Variants in MUSTN1 observed in about 807,000 individuals in gnomAD.
MUSTN1 encodes musculoskeletal embryonic nuclear protein 1.
A neutral mutation model predicts 11.8 loss-of-function variants in MUSTN1; 14 were observed. The ratio of observed to expected loss-of-function variants is 1.18; its 90% CI spans 0.78 to 1.85. MUSTN1 has a LOEUF of 1.85. MUSTN1 is among the 40% of genes most tolerant of loss of function. The pLI is 0.00. For synonymous variants in MUSTN1, 42 were observed against 43.3 expected (o/e 0.97, Z 0.12); for missense variants, 111 against 108.8 (o/e 1.02, Z -0.09).
At chr3:52,833,899 C>A (rs1259602504) in intron 1 of MUSTN1, 150 bp from the exon 2 acceptor site, 1 of 1,340,934 alleles carries the variant, frequency 7.5e-7, no homozygotes, top group Non-Finnish European at 9.9e-7. Flanking sequence ...GCCTTCCCAA[C>A]TATACTCCAC....
At chr3:52,834,745 G>A (rs749642664) in intron 1 of MUSTN1, 195 bp downstream of exon 1, 21 of 719,068 alleles carry the variant, frequency 2.9e-5, no homozygotes, top group Middle Eastern at 2.3e-4. Flanking sequence ...CTAACAAACC[G>A]TGGAATACCA....
chr3:52,833,512 C>A (rs1700634992), intron 2 of MUSTN1, 82 bp from the exon 3 acceptor site: 9 of 1,587,146 alleles, frequency 5.7e-6, no homozygotes, highest in Non-Finnish European at 7.7e-6. Flanking sequence ...TTTCTTGAAC[C>A]CAGGAATACT....
intron 1 of MUSTN1, chr3:52,834,687 A>ACACACAC: frequency 1.8e-6 from 1 of 553,848 alleles, no homozygotes; most frequent in Admixed American, 3.3e-5. Context: ...GGCACATGCA[A>ACACACAC]AGATCTATCT....
At chr3:52,834,430 C>A (rs930661298) in intron 1 of MUSTN1, among the ~76,000 whole-genome samples, 1 of 152,066 alleles carries the variant, frequency 6.6e-6, no homozygotes, top group East Asian at 1.9e-4. Flanking sequence ...TCAGCCTGGG[C>A]CAGGCTCCTC....
At position 52,833,538 on chromosome 3, in the gene MUSTN1, G is replaced by A. The variant is rs546271894; in HGVS notation, c.142+79C>T. 16 of 1,583,560 alleles carry A rather than the reference G, an allele frequency of 1.0e-5. No individual in the cohort carries two copies. The African/African-American group carries it at 1.9e-4, about 19-fold the overall frequency. On this transcript the variant is annotated intron_variant, in intron 2 of 2. Transcript: ENST00000446157. ...CAGGAATACTGGATTCTCAGAAAAG[G>A]ATCCTTGACCACCTCCCCCCACCAC...
rs1304552304 is a variant in MUSTN1, at chr3:52,835,010, G to A, written c.-62C>T. Reference sequence around the variant, plus strand: ...CCTCTCTGGCAGGCAGCAGCTGCTGGAAAAGATCTGAGTGGAGCCCAGCCT... The same window carrying A: ...CCTCTCTGGCAGGCAGCAGCTGCTGAAAAAGATCTGAGTGGAGCCCAGCCT... On this transcript the variant is annotated 5_prime_UTR_variant, in exon 1 of 3. Coordinates refer to ENST00000446157, the MANE Select transcript of MUSTN1 (RefSeq NM_205853.4). 1 of 1,605,590 alleles carries A rather than the reference G, an allele frequency of 6.2e-7. No homozygotes were observed. The highest frequency in any genetic ancestry group is 8.5e-7 in the Non-Finnish European group (1 of 1,175,430).
In MUSTN1 at chr3:52,833,178, C is replaced by T; in HGVS notation, c.*146G>A. On this transcript the variant is annotated 3_prime_UTR_variant, in exon 3 of 3. Coordinates refer to ENST00000446157, the MANE Select transcript of MUSTN1 (RefSeq NM_205853.4). ...GTGCTTCCAAGGTGCTGGTGCAGAG[C>T]CCTTGGCTGAAGGGCCTGGACTGTG... The T allele has an allele frequency of 8.3e-7, 1 of 1,197,872 alleles. No homozygotes were observed. The highest frequency in any genetic ancestry group is 1.9e-4 in the Middle Eastern group (1 of 5,362). 74.2% of individuals were successfully genotyped at this position (1,197,872 alleles called of 1,614,324 possible). A position where few individuals can be genotyped will look rare whatever the true frequency, so the allele number is the denominator to read the frequency against.
intron 1 of MUSTN1, chr3:52,834,718 A>C (rs1700668080): frequency 3.1e-6 from 2 of 652,638 alleles, no homozygotes; most frequent in Non-Finnish European, 2.7e-6. Flanking sequence ...CACCCCCAAC[A>C]TTTCTCTCCA....
At chr3:52,834,815 G>C in intron 1 of MUSTN1, 125 bp downstream of exon 1, 1 of 1,200,206 alleles carries the variant, frequency 8.3e-7, no homozygotes, top group Non-Finnish European at 1.2e-6. Context: ...CATCTCCCAA[G>C]GGCTGCAGAG....
In MUSTN1 at chr3:52,833,435, G is replaced by A; in HGVS notation, c.143-5C>T. ...GGGCGGCCGAGCCAGCTTGCTCTGT[G>A]GGAGGAGGTAAAGTCAGGGGCCAGC... On this transcript the variant is annotated splice_region_variant and splice_polypyrimidine_tract_variant and intron_variant, in intron 2 of 2. Coordinates refer to ENST00000446157, the MANE Select transcript of MUSTN1 (RefSeq NM_205853.4). The A allele has an allele frequency of 6.2e-7, 1 of 1,610,510 alleles. No individual in the cohort carries two copies. The highest frequency in any genetic ancestry group is 2.2e-5 in the East Asian group (1 of 44,776).
Position 52,834,944 on chromosome 3 carries a change from G to C in MUSTN1, c.5C>G (p.Ser2Cys). 1 of 1,613,630 alleles carries C rather than the reference G, an allele frequency of 6.2e-7. No individual in the cohort carries two copies. Among genetic ancestry groups the C allele is most frequent in the Non-Finnish European group, 8.5e-7 (1 of 1,179,820 alleles). Residue 2 changes from serine to cysteine, a missense_variant, in exon 1 of 3, where the codon TCC becomes TGC. Transcript: ENST00000446157. ...GCCCTTGCTGGGTCCTCCTACCTGG[G>C]ACATGGTGGGTATTGTGTAAGCGCT... M[S>C]QAGAQEAPIK...
intron 1 of MUSTN1, 164 bp downstream of exon 1, chr3:52,834,776 G>C (rs578070771): frequency 1.2e-6 from 1 of 807,438 alleles, no homozygotes; most frequent in Non-Finnish European, 2.1e-6. Flanking sequence ...ATAGAAGAGG[G>C]GTTCTTCAGG....
At chr3:52,834,917 C>A in intron 1 of MUSTN1, 23 bp downstream of exon 1, 1 of 1,613,174 alleles carries the variant, frequency 6.2e-7, no homozygotes, top group South Asian at 1.1e-5. Context: ...GGCATCAACA[C>A]AGCCCTTGCT....
intron 1 of MUSTN1, 95 bp downstream of exon 1, chr3:52,834,845 G>T: frequency 6.9e-7 from 1 of 1,457,344 alleles, no homozygotes; most frequent in Non-Finnish European, 9.4e-7. Context: ...CATGCTTGGG[G>T]CTCAGATCAA....
At position 52,834,973 on chromosome 3, in the gene MUSTN1, T is replaced by G. The variant is rs767769245; in HGVS notation, c.-25A>C. 6.2e-7 allele frequency: 1 copy of G among 1,613,242 alleles called. No homozygotes were observed. The highest frequency in any genetic ancestry group is 2.2e-5 in the East Asian group (1 of 44,850). On this transcript the variant is annotated 5_prime_UTR_variant, in exon 1 of 3. Transcript: ENST00000446157. Reference sequence around the variant, plus strand: ...TGGTGGGTATTGTGTAAGCGCTGGGTCTCTGAAGGCGCCTCTCTGGCAGGC... The same window carrying G: ...TGGTGGGTATTGTGTAAGCGCTGGGGCTCTGAAGGCGCCTCTCTGGCAGGC...
In MUSTN1 at chr3:52,834,664, A is replaced by ACACACACACACAGG. The variant is rs1700666347; in HGVS notation, c.9+262_9+275dup. On this transcript the variant is annotated intron_variant, in intron 1 of 2. Coordinates refer to ENST00000446157, the MANE Select transcript of MUSTN1 (RefSeq NM_205853.4). ...CACACACACAGATGCGCACACACACACACACACACACAGGCACATGCAAAG... is the reference window on the plus strand; with the variant it reads ...CACACACACAGATGCGCACACACACACACACACACACAGGCACACACACACAGGCACATGCAAAG... 14 of 610,180 alleles carry ACACACACACACAGG rather than the reference A, an allele frequency of 2.3e-5. No homozygotes were observed. The South Asian group carries it at 2.7e-4, about 12-fold the overall frequency. 37.8% of individuals were successfully genotyped at this position (610,180 alleles called of 1,614,324 possible). A position where few individuals can be genotyped will look rare whatever the true frequency, so the allele number is the denominator to read the frequency against.
intron 1 of MUSTN1, 162 bp downstream of exon 1, chr3:52,834,778 T>G: frequency 1.2e-6 from 1 of 821,106 alleles, no homozygotes; most frequent in Non-Finnish European, 2.0e-6. Context: ...AGAAGAGGGG[T>G]TCTTCAGGGG....
chr3:52,834,638 GCA>G, intron 1 of MUSTN1: 4 of 524,792 alleles, frequency 7.6e-6, no homozygotes, highest in Non-Finnish European at 1.4e-5. Flanking sequence ...TATATCGGCA[GCA>G]CACACACAGA....
chr3:52,833,729 AG>A lies in MUSTN1; in HGVS notation c.29del (p.Pro10LeufsTer9). 1 of 1,584,688 alleles carries A rather than the reference AG, an allele frequency of 6.3e-7. No homozygotes were observed. Among genetic ancestry groups the A allele is most frequent in the Non-Finnish European group, 8.6e-7 (1 of 1,165,296 alleles). On this transcript the variant is annotated frameshift_variant, in exon 2 of 3. Transcript: ENST00000446157. LOFTEE classifies it high-confidence loss of function. ...TCACAGGGGGGCGCTTCTTCTTGATAGGGGCTTCCTGAGCACCAGCCTTGGA... is the reference window on the plus strand; with the variant it reads ...TCACAGGGGGGCGCTTCTTCTTGATAGGGCTTCCTGAGCACCAGCCTTGGA... MSQAGAQEAPIKKKRPPVKD... is the reference protein window; with the variant it reads MSQAGAQEAXIKKKRPPVKD...
Sources: allele counts gnomAD v4.1 joint callset (sites outside exome capture counted in the v4.1 genomes callset), GRCh38; gene constraint gnomAD v4.1.1; transcripts MANE v1.5; gene names NCBI Gene and HGNC (gene_info 2026-07-23, HGNC 2026-07-21).